The following TRIP12 variants were observed in gnomAD, a reference collection of about 807,000 sequenced individuals.
TRIP12 encodes thyroid hormone receptor interactor 12.
In TRIP12, 25 loss-of-function variants were observed where a neutral mutation model predicts 244.2. The ratio of observed to expected loss-of-function variants is 0.10; its 90% CI spans 0.07 to 0.14. The LOEUF (loss-of-function observed/expected upper bound fraction) is 0.14, where lower values mean the gene tolerates loss of function less well. Among genes scored for constraint, TRIP12 ranks in the 10% least tolerant of loss-of-function variants. The pLI, the probability that TRIP12 is intolerant of heterozygous loss-of-function variation, is 1.00. For missense variants in TRIP12, 1,677 were observed against 2,486.4 expected (o/e 0.67, Z 6.92); for synonymous variants, 905 against 873.1 (o/e 1.04, Z -0.64).
intron 4 of TRIP12, among the ~76,000 whole-genome samples, chr2:229,856,970 T>G (rs147929613): frequency 5.5e-4 from 84 of 152,308 alleles, no homozygotes; most frequent in Non-Finnish European, 1.5e-4. Context: ...AGGTTAAACA[T>G]AAAATTTTTT....
intron 2 of TRIP12, among the ~76,000 whole-genome samples, chr2:229,864,213 C>G (rs2061101773): frequency 6.6e-6 from 1 of 152,118 alleles, no homozygotes; most frequent in Non-Finnish European, 1.5e-5. Context: ...AAGATGGGCC[C>G]AGAGCACACA....
At chr2:229,786,949 G>A (rs1379961852) in intron 33 of TRIP12, among the ~76,000 whole-genome samples, 3 of 152,140 alleles carry the variant, frequency 2.0e-5, no homozygotes, top group Non-Finnish European at 2.9e-5. Flanking sequence ...CTGTAGAATC[G>A]GTCTCCACTG....
intron 7 of TRIP12, 107 bp from the exon 8 acceptor site, chr2:229,829,395 T>TGTTA (rs1179997042): frequency 2.4e-6 from 2 of 843,226 alleles, no homozygotes; most frequent in Non-Finnish European, 3.6e-6. Context: ...ATTCAGTCAA[T>TGTTA]GTTACTTTGC....
Position 229,811,036 on chromosome 2 carries a change from G to A in TRIP12, c.2065C>T (p.Gln689Ter). 1 of 1,613,780 alleles carries A rather than the reference G, an allele frequency of 6.2e-7. No individual in the cohort carries two copies. Among genetic ancestry groups the A allele is most frequent in the Non-Finnish European group, 8.5e-7 (1 of 1,179,922 alleles). ...DNFQHEENLL[Q>*]QVASKDLLTN... The stretch of plus-strand genomic sequence containing the variant: ...AGCAGATCTTTGGAAGCAACCTGCT[G>A]GAGTAAATTCTTCACAAACACAAGA... Residue 689 changes from glutamine (Q) to a stop codon, truncating the protein, a stop_gained, in exon 15 of 42, where the codon CAG becomes TAG. Transcript: ENST00000675903. LOFTEE classifies it high-confidence loss of function.
chr2:229,842,206 A>G (rs1285780967), intron 4 of TRIP12, among the ~76,000 whole-genome samples: 1 of 152,218 alleles, frequency 6.6e-6, no homozygotes, highest in African/African-American at 2.4e-5. Flanking sequence ...TAATTGGGAA[A>G]AGATGATTGG....
chr2:229,916,900 C>T (rs1014078179), intron 1 of TRIP12, among the ~76,000 whole-genome samples: 13 of 151,108 alleles, frequency 8.6e-5, no homozygotes, highest in Admixed American at 2.0e-4. Context: ...GGTCTAGCAT[C>T]GGTATACTTA....
At position 229,802,393 on chromosome 2, in the gene TRIP12, C is replaced by A. The variant is rs1374174105; in HGVS notation, c.3065G>T (p.Cys1022Phe). The change falls in exon 21 of 42, where the codon TGT (cysteine) becomes TTT (phenylalanine). Residue 1022 changes from cysteine (C) to phenylalanine (F), a missense_variant. Transcript: ENST00000675903. ...TCCCATGGATCCCGATCCATTCGTA[C>A]ATGCCTTTGGTGGACTTGTCAACAA... Reference protein sequence around the residue: ...ESLLTSPPKACTNGSGSMGST... With the variant: ...ESLLTSPPKAFTNGSGSMGST... 1 of 1,613,952 alleles carries A rather than the reference C, an allele frequency of 6.2e-7. No homozygotes were observed. The highest frequency in any genetic ancestry group is 8.5e-7 in the Non-Finnish European group (1 of 1,179,998).
chr2:229,867,632 GTATA>G (rs1170306063), intron 2 of TRIP12, among the ~76,000 whole-genome samples: 3 of 152,124 alleles, frequency 2.0e-5, no homozygotes, highest in Non-Finnish European at 4.4e-5. Flanking sequence ...AGAATCATTT[GTATA>G]TATATTTTTA....
chr2:229,789,023 T>G, intron 31 of TRIP12, 83 bp from the exon 32 acceptor site: 6 of 1,316,434 alleles, frequency 4.6e-6, no homozygotes, highest in Non-Finnish European at 6.2e-6. Context: ...TATCCCCAAG[T>G]CCATGCAAAG....
At chr2:229,855,931 G>A (rs1464688642) in intron 4 of TRIP12, among the ~76,000 whole-genome samples, 2 of 151,966 alleles carry the variant, frequency 1.3e-5, no homozygotes, top group Non-Finnish European at 2.9e-5. Flanking sequence ...CCAGCTACTT[G>A]GGAGGCTGAG....
chr2:229,819,259 G>C (rs518255), intron 8 of TRIP12, among the ~76,000 whole-genome samples: 145,485 of 152,282 alleles, frequency 0.96, 69,862 homozygotes, highest in Middle Eastern at 1. Flanking sequence ...ATAAAGTCTA[G>C]AGAGGCTGGG....
At chr2:229,889,608 T>C (rs983354523) in intron 1 of TRIP12, among the ~76,000 whole-genome samples, 9 of 152,222 alleles carry the variant, frequency 5.9e-5, no homozygotes, top group Non-Finnish European at 1.2e-4. Flanking sequence ...ATAGTCTTTC[T>C]AGTTACTTCC....
At chr2:229,775,963 A>AAAAC (rs921824420) in intron 37 of TRIP12, among the ~76,000 whole-genome samples, 1 of 152,108 alleles carries the variant, frequency 6.6e-6, no homozygotes, top group African/African-American at 2.4e-5. Flanking sequence ...AAATCTCAAA[A>AAAAC]AAACAAACAA....
At chr2:229,824,255 T>C (rs760926945) in intron 8 of TRIP12, among the ~76,000 whole-genome samples, 7 of 152,138 alleles carry the variant, frequency 4.6e-5, no homozygotes, top group Non-Finnish European at 2.9e-5. Context: ...AAGATACATA[T>C]AACTAAAAAA....
chr2:229,896,203 A>C (rs2068769246), intron 1 of TRIP12, among the ~76,000 whole-genome samples: 1 of 152,180 alleles, frequency 6.6e-6, no homozygotes, highest in African/African-American at 2.4e-5. Flanking sequence ...TTCAAATGAC[A>C]GTATCTTAAG....
rs1235300417 is a variant in TRIP12, at chr2:229,793,111, A to T, written c.4003T>A (p.Phe1335Ile). 1 of 1,613,804 alleles carries T rather than the reference A, an allele frequency of 6.2e-7. No individual in the cohort carries two copies. Among genetic ancestry groups the T allele is most frequent in the South Asian group, 1.1e-5 (1 of 91,064 alleles). The change falls in exon 27 of 42, where the codon TTT becomes ATT. Residue 1335 changes from phenylalanine to isoleucine, a missense_variant. Transcript: ENST00000675903. ...CATTTTAATTGATGTGTGTTGAAAA[A>T]TTTTAAAGCCTGTGATCCTCTGTTG... ...SLNRGSQALKFFNTHQLKCQL... is the reference protein window; with the variant it reads ...SLNRGSQALKIFNTHQLKCQL...
chr2:229,767,797 C>T, intron 41 of TRIP12, 47 bp from the exon 42 acceptor site: 1 of 1,552,780 alleles, frequency 6.4e-7, no homozygotes, highest in Non-Finnish European at 8.7e-7. Flanking sequence ...TTTTAAAAAA[C>T]ATCAGCTATC....
At chr2:229,920,506 T>A (rs994223837) in intron 1 of TRIP12, among the ~76,000 whole-genome samples, 1 of 151,106 alleles carries the variant, frequency 6.6e-6, no homozygotes, top group Non-Finnish European at 1.5e-5. Context: ...ACAAACACAT[T>A]CCCTCCCCCA....
At position 229,823,698 on chromosome 2, in the gene TRIP12, AC is replaced by A. The variant is rs963420936; in HGVS notation, c.1451-5187del. Among the ~76,000 whole-genome samples the A allele has an allele frequency of 6.6e-5, 10 of 151,546 alleles. No individual in the cohort carries two copies. The East Asian group carries it at 9.7e-4, about 15-fold the overall frequency. ...TCAAAAAAAAAAAACAACAACAACA[AC>A]AAAAAATAAGTGCAAATAAAGCACA... On this transcript the variant is annotated intron_variant, in intron 8 of 41. Transcript: ENST00000675903.
Sources: allele counts gnomAD v4.1 joint callset (sites outside exome capture counted in the v4.1 genomes callset), GRCh38; gene constraint gnomAD v4.1.1; transcripts MANE v1.5; gene names NCBI Gene and HGNC (gene_info 2026-07-23, HGNC 2026-07-21).